The following VPS35L variants were observed in gnomAD, a reference collection of about 807,000 sequenced individuals.
The protein encoded by VPS35L is VPS35 endosomal protein-sorting factor-like.
In VPS35L, 83 loss-of-function variants were observed where a neutral mutation model predicts 133.0. The observed-to-expected ratio is 0.62, with a 90% CI of 0.52 to 0.75. The LOEUF (loss-of-function observed/expected upper bound fraction) is 0.75. Among genes scored for constraint, VPS35L ranks in the 30% least tolerant of loss-of-function variants. The probability of loss-of-function intolerance (pLI) is 0.00; values close to 1 mark genes in which losing one functional copy is unlikely to be tolerated. For missense variants in VPS35L, 1,083 were observed against 1,206.8 expected (o/e 0.90, Z 1.52); for synonymous variants, 423 against 449.9 (o/e 0.94, Z 0.76).
chr16:19,697,493 C>G (rs1975956187), intron 29 of VPS35L, among the ~76,000 whole-genome samples: 1 of 152,092 alleles, frequency 6.6e-6, no homozygotes, highest in South Asian at 2.1e-4. Flanking sequence ...TGCTACCATG[C>G]TCAGCTAATT....
chr16:19,579,041 A>G lies in VPS35L; in HGVS notation c.434-11A>G. ...AAAGCCACCTGTGTGACGTAAATTC[A>G]TTCTGTTTAGGCAAAGCTGGGACTG... On this transcript the variant is annotated splice_polypyrimidine_tract_variant and intron_variant, in intron 5 of 30. Coordinates refer to ENST00000417362, the MANE Select transcript of VPS35L (RefSeq NM_020314.7). 2 of 1,613,766 alleles carry G rather than the reference A, an allele frequency of 1.2e-6. No individual in the cohort carries two copies. The highest frequency in any genetic ancestry group is 8.5e-7 in the Non-Finnish European group (1 of 1,179,904).
In VPS35L at chr16:19,616,676, C is replaced by A; in HGVS notation, c.1102-10C>A. ...CCTCCTTTTCTAAGTGTTTGTTTGG[C>A]CTCCTGTAGATTCATGGGGATACGG... On this transcript the variant is annotated splice_polypyrimidine_tract_variant and intron_variant, in intron 13 of 30. Coordinates refer to ENST00000417362, the MANE Select transcript of VPS35L (RefSeq NM_020314.7). 6.2e-7 allele frequency: 1 copy of A among 1,610,738 alleles called. No homozygotes were observed. The highest frequency in any genetic ancestry group is 8.5e-7 in the Non-Finnish European group (1 of 1,178,190).
In VPS35L at chr16:19,650,386, T is replaced by C. The variant is rs1486323764; in HGVS notation, c.2033T>C (p.Val678Ala). The C allele has an allele frequency of 1.9e-6, 3 of 1,610,636 alleles. No individual in the cohort carries two copies. The South Asian group carries it at 3.3e-5, about 18-fold the overall frequency. Residue 678 changes from valine (V) to alanine (A), a missense_variant, in exon 25 of 31, where the codon GTG becomes GCG. Coordinates refer to ENST00000417362, the MANE Select transcript of VPS35L (RefSeq NM_020314.7). ...EPVLVQLIHS[V>A]NRLAMETRKV... ...CTATTTTATTAATAAATTCAGAGTG[T>C]GAACCGGTTGGCAATGGAGACAAGA...
intron 1 of VPS35L, among the ~76,000 whole-genome samples, chr16:19,562,698 A>G (rs1011026136): frequency 1.3e-5 from 2 of 152,188 alleles, no homozygotes; most frequent in Admixed American, 6.6e-5. Context: ...AAATGTAAAG[A>G]CAATCATTTA....
chr16:19,625,926 G>C (rs907385673), intron 14 of VPS35L, among the ~76,000 whole-genome samples: 3 of 151,918 alleles, frequency 2.0e-5, no homozygotes, highest in Non-Finnish European at 4.4e-5. Context: ...CACCTGCCTC[G>C]GTCTACCAAA....
chr16:19,652,392 A>T, intron 26 of VPS35L: 2 of 221,122 alleles, frequency 9.0e-6, no homozygotes, highest in South Asian at 1.4e-4. Flanking sequence ...CCTGTCTTGA[A>T]CTCCTGGGCT....
At chr16:19,594,382 G>C (rs1198492757) in intron 8 of VPS35L, among the ~76,000 whole-genome samples, 4 of 152,098 alleles carry the variant, frequency 2.6e-5, no homozygotes. Flanking sequence ...AGTGGCTCAC[G>C]CCTATAATCC....
chr16:19,566,215 GC>G (rs1971184247), intron 2 of VPS35L, among the ~76,000 whole-genome samples: 1 of 152,146 alleles, frequency 6.6e-6, no homozygotes, highest in South Asian at 2.1e-4. Flanking sequence ...AAAATTCTTG[GC>G]CGGGCTCCAT....
chr16:19,667,400 G>C (rs184597239), intron 26 of VPS35L, among the ~76,000 whole-genome samples: 7 of 152,238 alleles, frequency 4.6e-5, no homozygotes, highest in African/African-American at 1.4e-4. Context: ...AAACAATTGA[G>C]ATAAGTGGAT....
At chr16:19,666,670 C>T (rs771491222) in intron 26 of VPS35L, among the ~76,000 whole-genome samples, 7 of 152,090 alleles carry the variant, frequency 4.6e-5, no homozygotes, top group Non-Finnish European at 7.4e-5. Flanking sequence ...ATAATAGGCA[C>T]ATTCTCTGGG....
At chr16:19,570,478 A>G (rs1205034314) in intron 3 of VPS35L, among the ~76,000 whole-genome samples, 1 of 152,206 alleles carries the variant, frequency 6.6e-6, no homozygotes, top group East Asian at 1.9e-4. Context: ...AAAGTCATGT[A>G]GAGCAATCCT....
chr16:19,641,091 A>T (rs1973773794), intron 21 of VPS35L, among the ~76,000 whole-genome samples: 1 of 150,652 alleles, frequency 6.6e-6, no homozygotes, highest in Non-Finnish European at 1.5e-5. Flanking sequence ...TTGAGGCAGA[A>T]CCCTGCTCTG....
At position 19,564,897 on chromosome 16, in the gene VPS35L, C is replaced by T; in HGVS notation, c.64C>T (p.Leu22=). ...CAAAGCTGAATTTGCATCATGCCGA[C>T]TGGAGGCTGTACCATTGGAGTTTGG... ...NYKAEFASCR[L]EAVPLEFGDY... Residue 22 remains leucine, a synonymous_variant, in exon 2 of 31, where the codon CTG becomes TTG. Coordinates refer to ENST00000417362, the MANE Select transcript of VPS35L (RefSeq NM_020314.7). 6.2e-7 allele frequency: 1 copy of T among 1,613,712 alleles called. No individual in the cohort carries two copies. The highest frequency in any genetic ancestry group is 8.5e-7 in the Non-Finnish European group (1 of 1,179,714).
intron 7 of VPS35L, among the ~76,000 whole-genome samples, chr16:19,585,270 G>C (rs534669465): frequency 1.3e-5 from 2 of 152,240 alleles, no homozygotes; most frequent in East Asian, 3.9e-4. Context: ...TGGGTCATAT[G>C]GTAAGTTAGG....
chr16:19,629,154 G>A (rs1973366547), intron 17 of VPS35L, among the ~76,000 whole-genome samples: 1 of 152,096 alleles, frequency 6.6e-6, no homozygotes, highest in Non-Finnish European at 1.5e-5. Context: ...CTTCCAAGCT[G>A]AACATGGTAG....
At chr16:19,629,924 G>T (rs1024999482) in intron 18 of VPS35L, 104 bp downstream of exon 18, 4 of 1,027,342 alleles carry the variant, frequency 3.9e-6, no homozygotes, top group Middle Eastern at 2.7e-4. Context: ...AACGGTACTT[G>T]CTCTTGTAAT....
At chr16:19,579,379 T>C (rs1027273732) in intron 6 of VPS35L, 2 of 428,320 alleles carry the variant, frequency 4.7e-6, no homozygotes, top group African/African-American at 4.0e-5. Flanking sequence ...CTGGGTCGCC[T>C]AGCAACAGTG....
At position 19,587,603 on chromosome 16, in the gene VPS35L, C is replaced by T. The variant is rs2151523665; in HGVS notation, c.640-4187C>T. Among the ~76,000 whole-genome samples the T allele has an allele frequency of 2.0e-5, 3 of 146,846 alleles. No individual in the cohort carries two copies. The Middle Eastern group carries it at 0.01, about 513-fold the overall frequency. On this transcript the variant is annotated intron_variant, in intron 7 of 30. Coordinates refer to ENST00000417362, the MANE Select transcript of VPS35L (RefSeq NM_020314.7). ...GAGCCAAGATCGTGCCATTGCACTC[C>T]AGCCTGGGCAACAAGAGTGAAACTC...
In VPS35L at chr16:19,666,311, C is replaced by T. The variant is rs114009587; in HGVS notation, c.2222-2849C>T. On this transcript the variant is annotated intron_variant, in intron 26 of 30. Transcript: ENST00000417362. ...TTCTGTAGGTCTTTAAAAAAAAATC[C>T]GTTATATCTTAAATGAGCTTCCATA... is the stretch of plus-strand genomic sequence containing the variant. Among the ~76,000 whole-genome samples, 943 of 152,076 alleles carry T rather than the reference C, an allele frequency of 6.2e-3. 8 individuals carry two copies. Among genetic ancestry groups the T allele is most frequent in the African/African-American group, 0.022 (905 of 41,486 alleles).
Sources: allele counts gnomAD v4.1 joint callset (sites outside exome capture counted in the v4.1 genomes callset), GRCh38; gene constraint gnomAD v4.1.1; transcripts MANE v1.5; gene names NCBI Gene and HGNC (gene_info 2026-07-23, HGNC 2026-07-21).